The following ZBBX variants were observed in gnomAD, a reference collection of about 807,000 sequenced individuals.
The protein encoded by ZBBX is zinc finger B-box domain-containing protein 1.
ZBBX carries 101 observed loss-of-function variants against 108.5 expected under a neutral mutation model. The observed-to-expected ratio is 0.93, with a 90% CI of 0.79 to 1.10. ZBBX has a LOEUF of 1.10. Ranked by LOEUF, ZBBX falls within the 50% of genes least tolerant of loss-of-function variation. The pLI, the probability that ZBBX is intolerant of heterozygous loss-of-function variation, is 0.00. For synonymous variants in ZBBX, 356 were observed against 323.4 expected, an observed-to-expected ratio of 1.10 and a Z score of -1.08; for missense variants, 1,009 against 941.4, an observed-to-expected ratio of 1.07 and a Z score of -0.94.
chr3:167,307,564 A>C (rs1345678110), intron 16 of ZBBX, among the ~76,000 whole-genome samples: 2 of 152,140 alleles, frequency 1.3e-5, no homozygotes, highest in Non-Finnish European at 2.9e-5. Flanking sequence ...ACCCAACTTC[A>C]AACTATACTG....
chr3:167,242,115 T>C (rs1720774048), intron 21 of ZBBX, among the ~76,000 whole-genome samples: 1 of 152,180 alleles, frequency 6.6e-6, no homozygotes, highest in South Asian at 2.1e-4. Flanking sequence ...AGAAACTTAC[T>C]ATTTGATTCT....
chr3:167,284,441 TATG>T (rs1238573259), intron 19 of ZBBX, among the ~76,000 whole-genome samples: 1 of 152,090 alleles, frequency 6.6e-6, no homozygotes, highest in Non-Finnish European at 1.5e-5. Context: ...GTATCTGTAC[TATG>T]ATATGTCTCA....
chr3:167,345,038 T>C (rs2108464203), intron 9 of ZBBX, among the ~76,000 whole-genome samples: 1 of 152,032 alleles, frequency 6.6e-6, no homozygotes, highest in Non-Finnish European at 1.5e-5. Context: ...ATCCTTTTAA[T>C]TATCCAATCC....
At chr3:167,202,451 C>T in the ZBBX span, among the ~76,000 whole-genome samples, 1 of 151,812 alleles carries the variant, frequency 6.6e-6, no homozygotes, top group Admixed American at 6.6e-5. Context: ...TCAATATGAT[C>T]AAGTAATGGT....
intron 9 of ZBBX, among the ~76,000 whole-genome samples, chr3:167,339,047 C>A (rs944068565): frequency 1.3e-5 from 2 of 152,042 alleles, no homozygotes; most frequent in Non-Finnish European, 2.9e-5. Context: ...GTTCTGATTT[C>A]TTTGATGTGA....
chr3:167,367,707 T>G (rs572932852), intron 5 of ZBBX, among the ~76,000 whole-genome samples: 4 of 151,420 alleles, frequency 2.6e-5, no homozygotes, highest in Admixed American at 6.6e-5. Flanking sequence ...TGGAGAAAAT[T>G]TTTAGTCATT....
intron 10 of ZBBX, among the ~76,000 whole-genome samples, chr3:167,332,793 G>C (rs1738869668): frequency 2.0e-5 from 3 of 152,154 alleles, no homozygotes; most frequent in African/African-American, 7.2e-5. Flanking sequence ...GAAATTTGGA[G>C]TCAGAAGGTC....
chr3:167,204,755 C>A, the ZBBX span, among the ~76,000 whole-genome samples: 1 of 151,528 alleles, frequency 6.6e-6, no homozygotes, highest in Non-Finnish European at 1.5e-5. Flanking sequence ...GGGTATATAC[C>A]CAGTAATGGG....
chr3:167,250,669 C>T (rs1292851597), intron 20 of ZBBX, among the ~76,000 whole-genome samples: 2 of 152,054 alleles, frequency 1.3e-5, no homozygotes, highest in African/African-American at 2.4e-5. Flanking sequence ...AGAACAATGC[C>T]CCCTGTCAGC....
the ZBBX span, among the ~76,000 whole-genome samples, chr3:167,199,382 G>A: frequency 6.6e-6 from 1 of 152,160 alleles, no homozygotes; most frequent in Non-Finnish European, 1.5e-5. Flanking sequence ...AGACTCTCAG[G>A]CAAGTAATCA....
At chr3:167,237,943 G>T (rs1054956488), downstream of ZBBX, among the ~76,000 whole-genome samples, 2 of 151,842 alleles carry the variant, frequency 1.3e-5, no homozygotes, top group African/African-American at 4.8e-5. Context: ...AACAGTAGTG[G>T]TCCAATCCTT....
chr3:167,259,134 C>G (rs1421366822), intron 20 of ZBBX, among the ~76,000 whole-genome samples: 15 of 151,942 alleles, frequency 9.9e-5, no homozygotes, highest in Admixed American at 8.5e-4. Context: ...TTTAAATTAC[C>G]ATTTCAATCT....
At chr3:167,344,457 T>A (rs1219145716) in intron 9 of ZBBX, among the ~76,000 whole-genome samples, 1 of 151,762 alleles carries the variant, frequency 6.6e-6, no homozygotes, top group East Asian at 1.9e-4. Context: ...ATCCCAACAT[T>A]CTATGTTTCA....
the ZBBX span, among the ~76,000 whole-genome samples, chr3:167,193,609 C>G: frequency 1.3e-5 from 2 of 152,106 alleles, no homozygotes; most frequent in African/African-American, 4.8e-5. Flanking sequence ...ATATAGTCAG[C>G]TTGCTTCTCC....
chr3:167,337,318 G>A (rs183036994), intron 9 of ZBBX, among the ~76,000 whole-genome samples: 1 of 152,084 alleles, frequency 6.6e-6, no homozygotes, highest in East Asian at 1.9e-4. Flanking sequence ...AGGAGTTCAA[G>A]ACCAACCTGG....
Position 167,282,340 on chromosome 3 carries a change from T to C in ZBBX, c.2152A>G (p.Ile718Val). 6.2e-7 allele frequency: 1 copy of C among 1,614,044 alleles called. No individual in the cohort carries two copies. The highest frequency in any genetic ancestry group is 8.5e-7 in the Non-Finnish European group (1 of 1,179,946). Residue 718 changes from isoleucine to valine, a missense_variant, in exon 20 of 22, where the codon ATT becomes GTT. Transcript: ENST00000675490. ...AGCTCATTCTGGTCAGTAATATCAATATATTCAATTTCTGAAATTTCAGAA... is the reference window on the plus strand; with the variant it reads ...AGCTCATTCTGGTCAGTAATATCAACATATTCAATTTCTGAAATTTCAGAA... ...AASEISEIEY[I>V]DITDQNELSL...
At chr3:167,400,499 G>A (rs989147956) in intron 1 of ZBBX, among the ~76,000 whole-genome samples, 1 of 152,076 alleles carries the variant, frequency 6.6e-6, no homozygotes, top group Non-Finnish European at 1.5e-5. Context: ...CCACTTGTAT[G>A]TCTTGAATTG....
chr3:167,316,472 T>C (rs1735475811), intron 14 of ZBBX, among the ~76,000 whole-genome samples: 1 of 152,068 alleles, frequency 6.6e-6, no homozygotes, highest in African/African-American at 2.4e-5. Flanking sequence ...AGTCCAGAGC[T>C]CTAGCTCTGA....
chr3:167,315,758 A>C lies in ZBBX; in HGVS notation c.1266T>G (p.Ser422Arg), dbSNP rs1560111707. 6.2e-7 allele frequency: 1 copy of C among 1,606,864 alleles called. No individual in the cohort carries two copies. Among genetic ancestry groups the C allele is most frequent in the East Asian group, 2.2e-5 (1 of 44,674 alleles). The change falls in exon 15 of 22, where the codon AGT becomes AGG. Residue 422 changes from serine (S) to arginine (R), a missense_variant. Transcript: ENST00000675490. ...AATTAGAAAGGTTTTACCTTCGTTG[A>C]CTGTCTGCATCAGCTAATTTAACTT... The part of the protein sequence containing the change: ...PYKVKLADAD[S>R]QRSCAFHDCQ...
Sources: allele counts gnomAD v4.1 joint callset (sites outside exome capture counted in the v4.1 genomes callset), GRCh38; gene constraint gnomAD v4.1.1; transcripts MANE v1.5; gene names NCBI Gene and HGNC (gene_info 2026-07-23, HGNC 2026-07-21).